Variants in RGS6 observed in about 807,000 individuals in gnomAD.
RGS6 encodes regulator of G protein signaling 6.
A neutral mutation model predicts 78.5 loss-of-function variants in RGS6; 30 were observed. The observed-to-expected ratio is 0.38, with a 90% CI of 0.29 to 0.52. RGS6 has a LOEUF of 0.52. RGS6 is among the 20% of genes least tolerant of loss of function. RGS6 has a pLI of 0.85. For synonymous variants in RGS6, 206 were observed against 206.0 expected (o/e 1.00, Z 0.00); for missense variants, 495 against 609.7 (o/e 0.81, Z 1.98).
At position 71,971,921 on chromosome 14, in the gene RGS6, T is replaced by G. The variant is rs912881642; in HGVS notation, c.84+7046T>G. ...AATATGGCAGGTTTTTTTTTTTTTT[T>G]TTTTTTTTTTTTTATCAGAGTGACA... On this transcript the variant is annotated intron_variant, in intron 2 of 17. Coordinates refer to ENST00000553525, the MANE Select transcript of RGS6 (RefSeq NM_001204424.2). Among the ~76,000 whole-genome samples the G allele has an allele frequency of 4.0e-5, 6 of 150,510 alleles. No homozygotes were observed. In the East Asian group the frequency reaches 5.8e-4, roughly 15 times the overall value.
At chr14:72,373,818 G>A (rs2152846592) in intron 3 of RGS6, among the ~76,000 whole-genome samples, 1 of 151,792 alleles carries the variant, frequency 6.6e-6, no homozygotes, top group South Asian at 2.1e-4. Flanking sequence ...AATTTAAATT[G>A]TCTTTTTTTT....
chr14:72,374,338 T>A (rs528093202), intron 3 of RGS6, among the ~76,000 whole-genome samples: 7 of 151,526 alleles, frequency 4.6e-5, no homozygotes, highest in African/African-American at 1.5e-4. Flanking sequence ...GAACATGTGG[T>A]GTTTGGTTTT....
At chr14:72,141,892 TA>T (rs201568114) in intron 2 of RGS6, among the ~76,000 whole-genome samples, 37,857 of 145,534 alleles carry the variant, frequency 0.26, 4,999 homozygotes, top group Middle Eastern at 0.33. Context: ...CATTTTACAT[TA>T]AAAAAAAAAA....
At chr14:72,388,520 G>A (rs749961989) in intron 3 of RGS6, among the ~76,000 whole-genome samples, 1 of 152,154 alleles carries the variant, frequency 6.6e-6, no homozygotes, top group Non-Finnish European at 1.5e-5. Context: ...TCTCAGAGTT[G>A]CATCTCAGTT....
intron 2 of RGS6, among the ~76,000 whole-genome samples, chr14:72,152,817 G>A (rs2096713646): frequency 6.6e-6 from 1 of 152,096 alleles, no homozygotes; most frequent in Admixed American, 6.5e-5. Context: ...GCTAACATCT[G>A]GGTCCTTGTC....
chr14:72,326,436 T>C (rs2073785142), intron 2 of RGS6, among the ~76,000 whole-genome samples: 2 of 152,310 alleles, frequency 1.3e-5, no homozygotes, highest in African/African-American at 4.8e-5. Context: ...GTTTGGGTCA[T>C]GGGGGCAGAC....
At chr14:72,400,431 T>C (rs1436158914) in intron 3 of RGS6, among the ~76,000 whole-genome samples, 1 of 152,236 alleles carries the variant, frequency 6.6e-6, no homozygotes, top group Non-Finnish European at 1.5e-5. Flanking sequence ...CTCCTGATTT[T>C]TATAGATCAT....
chr14:72,027,027 A>G (rs1218278630), intron 2 of RGS6, among the ~76,000 whole-genome samples: 1 of 152,112 alleles, frequency 6.6e-6, no homozygotes, highest in Non-Finnish European at 1.5e-5. Context: ...AAAAAGAAGG[A>G]AAGGTCTTAA....
the RGS6 span, among the ~76,000 whole-genome samples, chr14:71,867,532 C>T: frequency 6.6e-6 from 1 of 152,096 alleles, no homozygotes; most frequent in African/African-American, 2.4e-5. Flanking sequence ...ACCTTGCTCT[C>T]CTTATGGGGA....
chr14:71,879,697 T>G, the RGS6 span, among the ~76,000 whole-genome samples: 1 of 152,206 alleles, frequency 6.6e-6, no homozygotes, highest in East Asian at 1.9e-4. Context: ...CTACTATGAT[T>G]GTGAGATCTC....
chr14:72,162,769 G>C (rs1309328184), intron 2 of RGS6, among the ~76,000 whole-genome samples: 2 of 151,904 alleles, frequency 1.3e-5, no homozygotes, highest in African/African-American at 4.8e-5. Context: ...TCAATGAGTG[G>C]ATAAAGACAC....
intron 2 of RGS6, among the ~76,000 whole-genome samples, chr14:72,197,242 T>C: frequency 6.6e-6 from 1 of 152,138 alleles, no homozygotes; most frequent in East Asian, 1.9e-4. Context: ...ATTTTTGTAT[T>C]TTTAATAGAG....
intron 2 of RGS6, among the ~76,000 whole-genome samples, chr14:72,316,232 ATTTT>A (rs960106324): frequency 6.6e-6 from 1 of 151,828 alleles, no homozygotes; most frequent in African/African-American, 2.4e-5. Flanking sequence ...TTGTCTTTTT[ATTTT>A]TTTTATTTTT....
In RGS6 at chr14:72,536,170, T is replaced by C. The variant is rs1160313735; in HGVS notation, c.1279-16T>C. ...GACAGCCCTTCCTTGTGTCTCCTTGTCACCTTCCTCCCCAGGAGCACATCT... is the reference window on the plus strand; with the variant it reads ...GACAGCCCTTCCTTGTGTCTCCTTGCCACCTTCCTCCCCAGGAGCACATCT... On this transcript the variant is annotated splice_polypyrimidine_tract_variant and intron_variant, in intron 15 of 17. Transcript: ENST00000553525. The C allele has an allele frequency of 6.2e-7, 1 of 1,601,510 alleles. No homozygotes were observed. The highest frequency in any genetic ancestry group is 1.7e-5 in the Admixed American group (1 of 59,956).
chr14:72,347,087 T>G (rs973649275), intron 2 of RGS6, among the ~76,000 whole-genome samples: 2 of 152,204 alleles, frequency 1.3e-5, no homozygotes, highest in African/African-American at 2.4e-5. Context: ...GGCTGTCAGA[T>G]AAGGGCCACC....
chr14:72,197,841 A>G (rs1321142349), intron 2 of RGS6, among the ~76,000 whole-genome samples: 1 of 152,118 alleles, frequency 6.6e-6, no homozygotes, highest in South Asian at 2.1e-4. Context: ...TCACTGGGGA[A>G]TGATGTTCTC....
intron 2 of RGS6, among the ~76,000 whole-genome samples, chr14:72,044,432 C>A (rs1437347853): frequency 1.3e-5 from 2 of 152,110 alleles, no homozygotes; most frequent in Non-Finnish European, 1.5e-5. Context: ...GTCCCAGATA[C>A]AACAAAAAGG....
intron 3 of RGS6, among the ~76,000 whole-genome samples, chr14:72,417,166 G>A (rs7159300): frequency 0.2 from 30,041 of 152,154 alleles, 3,500 homozygotes; most frequent in South Asian, 0.32. Context: ...TTTCTTCAGC[G>A]CTCCCTGCCA....
In RGS6 at chr14:72,001,542, A is replaced by G. The variant is rs115601784; in HGVS notation, c.84+36667A>G. Among the ~76,000 whole-genome samples the G allele has an allele frequency of 8.3e-3, 1,257 of 151,842 alleles. 20 individuals carry two copies. The highest frequency in any genetic ancestry group is 0.029 in the African/African-American group (1,197 of 41,364). On this transcript the variant is annotated intron_variant, in intron 2 of 17. Coordinates refer to ENST00000553525, the MANE Select transcript of RGS6 (RefSeq NM_001204424.2). Reference sequence around the variant, plus strand: ...CACACAACGCAGCAACAACAGCAAAAGTCAATAAAACAACTCACCAAACTA... The same window carrying G: ...CACACAACGCAGCAACAACAGCAAAGGTCAATAAAACAACTCACCAAACTA...
Sources: gnomAD v4.1 joint callset for allele counts (sites outside exome capture counted in the v4.1 genomes callset) on GRCh38, gnomAD v4.1.1 for gene constraint, MANE v1.5 for transcripts, NCBI Gene and HGNC (gene_info 2026-07-23, HGNC 2026-07-21) for gene names.